Variants in GALNT13 observed in about 807,000 individuals in gnomAD.
GALNT13 encodes UDP-GalNAc:polypeptide N-acetylgalactosaminyltransferase 13.
Under a neutral mutation model 64.2 loss-of-function variants are expected in GALNT13, and 28 were observed. The ratio of observed to expected loss-of-function variants is 0.44; its 90% CI spans 0.32 to 0.60. The LOEUF (loss-of-function observed/expected upper bound fraction) is 0.60, where lower values mean the gene tolerates loss of function less well. Among genes scored for constraint, GALNT13 ranks in the 20% least tolerant of loss-of-function variants. The pLI is 0.05. For synonymous variants in GALNT13, 214 were observed against 224.6 expected, an observed-to-expected ratio of 0.95 and a Z score of 0.42; for missense variants, 577 against 669.8, an observed-to-expected ratio of 0.86 and a Z score of 1.53.
the GALNT13 span, among the ~76,000 whole-genome samples, chr2:153,323,068 C>T: frequency 3.0e-4 from 45 of 152,074 alleles, no homozygotes; most frequent in African/African-American, 9.4e-4. Context: ...CTTAAGGAGT[C>T]GCCACACTGT....
intron 4 of GALNT13, among the ~76,000 whole-genome samples, chr2:154,187,098 A>G (rs1300314098): frequency 8.5e-5 from 13 of 152,136 alleles, no homozygotes; most frequent in Non-Finnish European, 1.8e-4. Flanking sequence ...TTATTGCCCT[A>G]TAGAAAACTT....
chr2:153,521,147 C>T, the GALNT13 span, among the ~76,000 whole-genome samples: 6 of 152,174 alleles, frequency 3.9e-5, no homozygotes, highest in Non-Finnish European at 1.5e-5. Context: ...TTCTATGTTA[C>T]AGATGTTTTA....
the GALNT13 span, among the ~76,000 whole-genome samples, chr2:153,495,296 C>T: frequency 8.6e-5 from 13 of 151,894 alleles, no homozygotes; most frequent in African/African-American, 2.7e-4. Context: ...GGCAACAGAA[C>T]GAGACTCTGT....
At chr2:153,248,123 T>C in the GALNT13 span, among the ~76,000 whole-genome samples, 1 of 152,198 alleles carries the variant, frequency 6.6e-6, no homozygotes, top group African/African-American at 2.4e-5. Context: ...AGCCGAATTC[T>C]ACCGGAGGTA....
chr2:153,608,763 T>G, the GALNT13 span, among the ~76,000 whole-genome samples: 1 of 147,836 alleles, frequency 6.8e-6, no homozygotes, highest in Non-Finnish European at 1.5e-5. Flanking sequence ...AAGTAAATAA[T>G]TTTATATCTG....
At chr2:153,113,056 A>G in the GALNT13 span, among the ~76,000 whole-genome samples, 21 of 152,130 alleles carry the variant, frequency 1.4e-4, no homozygotes, top group Non-Finnish European at 2.9e-4. Flanking sequence ...TGTTTGACAA[A>G]CATGTTGGTA....
intron 3 of GALNT13, among the ~76,000 whole-genome samples, chr2:153,952,133 T>C (rs527764833): frequency 4.6e-5 from 7 of 152,282 alleles, no homozygotes; most frequent in African/African-American, 1.7e-4. Flanking sequence ...GAATACTAAG[T>C]GCTGCTACTC....
chr2:154,107,125 T>G (rs979836632), intron 3 of GALNT13, among the ~76,000 whole-genome samples: 1 of 152,182 alleles, frequency 6.6e-6, no homozygotes, highest in African/African-American at 2.4e-5. Context: ...GGAAGCAGCC[T>G]AAGGCATCAC....
At chr2:153,975,903 C>T (rs566735063) in intron 3 of GALNT13, among the ~76,000 whole-genome samples, 2 of 152,128 alleles carry the variant, frequency 1.3e-5, no homozygotes, top group South Asian at 4.2e-4. Context: ...GATTTCACAA[C>T]GTATACCTAT....
intron 8 of GALNT13, among the ~76,000 whole-genome samples, chr2:154,268,655 A>C (rs376978663): frequency 5.9e-5 from 9 of 152,276 alleles, no homozygotes; most frequent in African/African-American, 2.2e-4. Flanking sequence ...AGAGAGAGGC[A>C]TACTCCAAAG....
chr2:153,376,115 C>A, the GALNT13 span, among the ~76,000 whole-genome samples: 2 of 152,140 alleles, frequency 1.3e-5, no homozygotes, highest in African/African-American at 4.8e-5. Context: ...GGTCCCACCT[C>A]CAACCATTGG....
the GALNT13 span, among the ~76,000 whole-genome samples, chr2:153,460,671 T>G: frequency 4.6e-5 from 7 of 152,138 alleles, no homozygotes; most frequent in African/African-American, 1.4e-4. Context: ...ATTAATAAGT[T>G]AAGATACACG....
At chr2:153,602,211 AATTT>A in the GALNT13 span, among the ~76,000 whole-genome samples, 22 of 151,978 alleles carry the variant, frequency 1.4e-4, no homozygotes, top group East Asian at 5.8e-4. Flanking sequence ...ACATGTTTTT[AATTT>A]ATTTAATAAA....
the GALNT13 span, among the ~76,000 whole-genome samples, chr2:153,371,399 A>G: frequency 6.6e-6 from 1 of 152,194 alleles, no homozygotes; most frequent in South Asian, 2.1e-4. Flanking sequence ...TTTGCATATG[A>G]CATGGTTGTC....
chr2:153,288,347 T>C, the GALNT13 span, among the ~76,000 whole-genome samples: 2 of 152,234 alleles, frequency 1.3e-5, no homozygotes, highest in Non-Finnish European at 2.9e-5. Flanking sequence ...AGTCTTGACT[T>C]ATCCATTGTT....
the GALNT13 span, among the ~76,000 whole-genome samples, chr2:153,197,854 C>A: frequency 1.3e-5 from 2 of 152,104 alleles, no homozygotes; most frequent in Admixed American, 1.3e-4. Context: ...GTGCGGCAGC[C>A]TTGCTGCTAG....
chr2:153,228,102 T>A, the GALNT13 span, among the ~76,000 whole-genome samples: 2 of 152,186 alleles, frequency 1.3e-5, no homozygotes, highest in African/African-American at 2.4e-5. Flanking sequence ...TACTTGGAGT[T>A]GTAGAAGGGT....
the GALNT13 span, among the ~76,000 whole-genome samples, chr2:153,742,027 G>A: frequency 6.6e-6 from 1 of 152,078 alleles, no homozygotes; most frequent in Non-Finnish European, 1.5e-5. Context: ...TGTACAAGAT[G>A]TGATTATTAA....
the GALNT13 span, among the ~76,000 whole-genome samples, chr2:153,672,998 A>G: frequency 6.6e-6 from 1 of 152,186 alleles, no homozygotes; most frequent in South Asian, 2.1e-4. Flanking sequence ...CCCTCTCAAG[A>G]CTAAACCAGG....
Sources: gnomAD v4.1 joint callset for allele counts (sites outside exome capture counted in the v4.1 genomes callset) on GRCh38, gnomAD v4.1.1 for gene constraint, MANE v1.5 for transcripts, NCBI Gene and HGNC (gene_info 2026-07-23, HGNC 2026-07-21) for gene names.